LDAF1: variants seen among roughly 807,000 people sequenced by gnomAD.
LDAF1 encodes the protein PROMETHIN.
In LDAF1, 7 loss-of-function variants were observed where a neutral mutation model predicts 13.5. The observed-to-expected ratio is 0.52, with a 90% CI of 0.29 to 0.97. LDAF1 has a LOEUF of 0.97. Among genes scored for constraint, LDAF1 ranks in the 50% least tolerant of loss-of-function variants. LDAF1 has a pLI of 0.07. For synonymous variants in LDAF1, 69 were observed against 77.1 expected, an observed-to-expected ratio of 0.89 and a Z score of 0.55; for missense variants, 148 against 193.2, an observed-to-expected ratio of 0.77 and a Z score of 1.39.
At chr16:21,168,887 T>C (rs1448645155) in intron 2 of LDAF1, among the ~76,000 whole-genome samples, 2 of 135,514 alleles carry the variant, frequency 1.5e-5, no homozygotes, top group Non-Finnish European at 3.1e-5. Flanking sequence ...ATTTATATTA[T>C]ATATTTATAT....
rs1004107052 is a variant in LDAF1, at chr16:21,165,231, C to T, written c.96+3953C>T. ...ATCCTAGCACTTCGGGAGGCCGAGG[C>T]GGGCAGATCACTTGAGGTCAGGAGT... On this transcript the variant is annotated intron_variant, in intron 2 of 4. Transcript: ENST00000233047. Among the ~76,000 whole-genome samples the T allele has an allele frequency of 5.3e-5, 8 of 152,290 alleles. No individual in the cohort carries two copies. In the East Asian group the frequency reaches 7.7e-4, roughly 15 times the overall value.
rs1597540659 is a variant in LDAF1, at chr16:21,166,840, C to T, written c.97-3597C>T. 12 of 1,535,682 alleles carry T rather than the reference C, an allele frequency of 7.8e-6. No individual in the cohort carries two copies. The East Asian group carries it at 2.2e-4, about 28-fold the overall frequency. ...TCCTCCGCCTCTCTTTCTCTTTCAG[C>T]TGCCCCAACACAGCAGGATCTCACT... On this transcript the variant is annotated intron_variant, in intron 2 of 4. Coordinates refer to ENST00000233047, the MANE Select transcript of LDAF1 (RefSeq NM_001301771.2).
At chr16:21,166,596 C>A (rs935156626) in intron 2 of LDAF1, among the ~76,000 whole-genome samples, 8 of 152,220 alleles carry the variant, frequency 5.3e-5, no homozygotes, top group Admixed American at 4.6e-4. Context: ...TTCCGCTGCA[C>A]AGCCCTTCCC....
chr16:21,158,925 CG>C (rs1299313403), intron 1 of LDAF1, among the ~76,000 whole-genome samples, 179 bp downstream of exon 1: 1 of 151,960 alleles, frequency 6.6e-6, no homozygotes. Flanking sequence ...TATGAGTCGC[CG>C]GGACGGGGCT....
chr16:21,159,260 C>G, intron 1 of LDAF1: 1 of 1,370,020 alleles, frequency 7.3e-7, no homozygotes, highest in East Asian at 2.3e-5. Context: ...ACTAAGTACT[C>G]GACTCCCCTC....
chr16:21,160,107 T>C, intron 1 of LDAF1: 1 of 305,876 alleles, frequency 3.3e-6, no homozygotes, highest in Non-Finnish European at 4.8e-6. Context: ...TTACCCCCTA[T>C]ATGATAAATA....
chr16:21,178,262 G>A, intron 4 of LDAF1: 1 of 985,236 alleles, frequency 1.0e-6, no homozygotes. Context: ...AGAAGTAGGG[G>A]CCCTGGGCAG....
chr16:21,160,404 GT>G (rs1271662144), intron 1 of LDAF1, among the ~76,000 whole-genome samples: 1 of 152,158 alleles, frequency 6.6e-6, no homozygotes, highest in Non-Finnish European at 1.5e-5. Flanking sequence ...TATAATTACT[GT>G]GGTGAGGTCT....
chr16:21,179,348 C>T (rs2093164224), intron 4 of LDAF1, 127 bp from the exon 5 acceptor site: 4 of 1,569,996 alleles, frequency 2.5e-6, no homozygotes, highest in African/African-American at 1.3e-5. Context: ...TGGACATAGG[C>T]CTGGTGTGGT....
chr16:21,160,892 C>T (rs553746808), intron 1 of LDAF1, 193 bp from the exon 2 acceptor site: 1 of 487,336 alleles, frequency 2.1e-6, no homozygotes, highest in East Asian at 4.9e-5. Flanking sequence ...TTTGAGATAC[C>T]TGTTGGATTA....
chr16:21,168,893 T>A (rs979309319), intron 2 of LDAF1, among the ~76,000 whole-genome samples: 2 of 135,524 alleles, frequency 1.5e-5, no homozygotes, highest in Non-Finnish European at 3.1e-5. Context: ...ATTATATATT[T>A]ATATTTATAT....
At chr16:21,160,138 A>C (rs1371460131) in intron 1 of LDAF1, 1 of 223,784 alleles carries the variant, frequency 4.5e-6, no homozygotes, top group African/African-American at 2.4e-5. Context: ...TCTCTCAATT[A>C]ATTTTGGCCA....
intron 2 of LDAF1, among the ~76,000 whole-genome samples, chr16:21,163,236 CTTGTTTAAAG>C (rs1597531556): frequency 1.3e-5 from 2 of 152,200 alleles, no homozygotes; most frequent in East Asian, 3.8e-4. Context: ...CACAGTGACA[CTTGTTTAAAG>C]GATGAAACAG....
chr16:21,169,511 G>C (rs1330223894), intron 2 of LDAF1, among the ~76,000 whole-genome samples: 1 of 152,032 alleles, frequency 6.6e-6, no homozygotes, highest in Non-Finnish European at 1.5e-5. Flanking sequence ...ATCTTGCTGT[G>C]TTGTCCAGGC....
chr16:21,159,556 A>C (rs757766409), intron 1 of LDAF1: 6 of 1,032,192 alleles, frequency 5.8e-6, no homozygotes, highest in African/African-American at 1.6e-5. Context: ...TTGGAAGGGG[A>C]AAGGGTTAGC....
chr16:21,178,360 T>C, intron 4 of LDAF1: 1 of 985,434 alleles, frequency 1.0e-6, no homozygotes, highest in Non-Finnish European at 1.2e-6. Flanking sequence ...CCTTACATCT[T>C]TACTAAGAAA....
At chr16:21,166,161 C>T (rs2093022368) in intron 2 of LDAF1, among the ~76,000 whole-genome samples, 1 of 152,034 alleles carries the variant, frequency 6.6e-6, no homozygotes, top group Admixed American at 6.6e-5. Flanking sequence ...CGTGCCCAGC[C>T]AGAGATTAAT....
Position 21,174,168 on chromosome 16 carries a change from ATAAT to A in LDAF1, c.404+22_404+25del. 6.3e-7 allele frequency: 1 copy of A among 1,588,766 alleles called. No individual in the cohort carries two copies. The highest frequency in any genetic ancestry group is 2.2e-5 in the East Asian group (1 of 44,538). On this transcript the variant is annotated intron_variant, in intron 4 of 4. Transcript: ENST00000233047. Reference sequence around the variant, plus strand: ...TCCCAGGTAAATACATGTCCATGAAATAATTTATTTTTTTAATCTTTCTACTTTT... The same window carrying A: ...TCCCAGGTAAATACATGTCCATGAAATTATTTTTTTAATCTTTCTACTTTT...
chr16:21,170,414 G>A, intron 2 of LDAF1, 23 bp from the exon 3 acceptor site: 1 of 1,613,316 alleles, frequency 6.2e-7, no homozygotes, highest in Non-Finnish European at 8.5e-7. Context: ...ACTTATCCCT[G>A]GCTCTTTGTC....
Sources: allele counts gnomAD v4.1 joint callset (sites outside exome capture counted in the v4.1 genomes callset), GRCh38; gene constraint gnomAD v4.1.1; transcripts MANE v1.5; gene names NCBI Gene and HGNC (gene_info 2026-07-23, HGNC 2026-07-21).